The following GPC6 variants were observed in gnomAD, a reference collection of about 807,000 sequenced individuals.
The protein encoded by GPC6 is glypican 6, also known as glypican-6.
Under a neutral mutation model 55.2 loss-of-function variants are expected in GPC6, and 14 were observed. The ratio of observed to expected loss-of-function variants is 0.25; its 90% confidence interval spans 0.17 to 0.40. The LOEUF (loss-of-function observed/expected upper bound fraction) is 0.40. Ranked by LOEUF, GPC6 falls within the 10% of genes least tolerant of loss-of-function variation. The pLI, the probability that GPC6 is intolerant of heterozygous loss-of-function variation, is 1.00. For missense variants in GPC6, 641 were observed against 708.5 expected (o/e 0.90, Z 1.08); for synonymous variants, 278 against 259.6 (o/e 1.07, Z -0.68).
intron 1 of GPC6, among the ~76,000 whole-genome samples, chr13:93,269,359 C>T (rs1470769979): frequency 6.6e-6 from 1 of 152,146 alleles, no homozygotes; most frequent in Admixed American, 6.5e-5. Context: ...ATCCACCTGA[C>T]ATTTATCTCT....
intron 2 of GPC6, among the ~76,000 whole-genome samples, chr13:93,574,881 A>G (rs1246045498): frequency 6.6e-6 from 1 of 152,234 alleles, no homozygotes; most frequent in African/African-American, 2.4e-5. Context: ...GTTCATCCAT[A>G]TCAGACTTTT....
rs376342395 is a variant in GPC6, at chr13:93,878,457, A to G, written c.711+47912A>G. On this transcript the variant is annotated intron_variant, in intron 3 of 8. Transcript: ENST00000377047. Reference sequence around the variant, plus strand: ...AGTGGCACCATCTTGGCTCACTACAACAACCACCATCTCCTGGGTCAAGTG... The same window carrying G: ...AGTGGCACCATCTTGGCTCACTACAGCAACCACCATCTCCTGGGTCAAGTG... 2.0e-5 allele frequency among the ~76,000 whole-genome samples: 3 copies of G among 148,570 alleles called. No individual in the cohort carries two copies. In the East Asian group the frequency reaches 6.0e-4, roughly 30 times the overall value.
chr13:93,932,842 C>T (rs1410660947), intron 3 of GPC6, among the ~76,000 whole-genome samples: 2 of 152,008 alleles, frequency 1.3e-5, no homozygotes, highest in Admixed American at 6.6e-5. Flanking sequence ...TAACAAATGA[C>T]CATAAACTTA....
chr13:93,614,176 A>G (rs1043107529), intron 2 of GPC6, among the ~76,000 whole-genome samples: 1 of 152,186 alleles, frequency 6.6e-6, no homozygotes, highest in Non-Finnish European at 1.5e-5. Context: ...TGTTAACATA[A>G]ATGTTATTTT....
chr13:93,986,990 G>A (rs1431545246), intron 3 of GPC6, among the ~76,000 whole-genome samples: 1 of 152,086 alleles, frequency 6.6e-6, no homozygotes, highest in East Asian at 1.9e-4. Flanking sequence ...CCAGTTCCAT[G>A]TTGGAGAAAC....
At chr13:93,691,235 A>G (rs1440147973) in intron 2 of GPC6, among the ~76,000 whole-genome samples, 2 of 152,128 alleles carry the variant, frequency 1.3e-5, no homozygotes, top group Non-Finnish European at 2.9e-5. Context: ...TCTCTACCCC[A>G]AAGTCAGCAG....
intron 3 of GPC6, among the ~76,000 whole-genome samples, chr13:93,833,476 G>C (rs1249921377): frequency 6.6e-6 from 1 of 152,092 alleles, no homozygotes; most frequent in African/African-American, 2.4e-5. Flanking sequence ...ATTTAGAGTT[G>C]GAGAAATGAT....
intron 3 of GPC6, among the ~76,000 whole-genome samples, chr13:93,912,849 AATCT>A (rs1305275340): frequency 6.6e-6 from 1 of 152,168 alleles, no homozygotes; most frequent in Non-Finnish European, 1.5e-5. Context: ...ACTGAAAGAG[AATCT>A]AAGTCCCTAC....
rs574670287 is a variant in GPC6 at position 93,794,015 on chromosome 13, C to T, written c.320-36139C>T. On this transcript the variant is annotated intron_variant, in intron 2 of 8. Transcript: ENST00000377047. ...TGCCCGTGTTTGTGCTTTGCTTTGA[C>T]ATAGGGATTATAATTTCAGTACTGC... is the stretch of plus-strand genomic sequence containing the variant. Among the ~76,000 whole-genome samples the T allele has an allele frequency of 3.3e-5, 5 of 152,252 alleles. No homozygotes were observed. In the South Asian group the frequency reaches 8.3e-4, roughly 25 times the overall value.
At chr13:94,154,000 T>G (rs1887837306) in intron 4 of GPC6, among the ~76,000 whole-genome samples, 1 of 152,188 alleles carries the variant, frequency 6.6e-6, no homozygotes, top group South Asian at 2.1e-4. Flanking sequence ...ATTATTATTC[T>G]AATGTATAAT....
At chr13:94,001,353 A>T (rs942188721) in intron 3 of GPC6, among the ~76,000 whole-genome samples, 5 of 152,182 alleles carry the variant, frequency 3.3e-5, no homozygotes, top group Admixed American at 2.6e-4. Context: ...AAAACAAGAA[A>T]ATTACATTTT....
intron 2 of GPC6, among the ~76,000 whole-genome samples, chr13:93,822,876 T>A (rs572377159): frequency 6.7e-5 from 10 of 150,012 alleles, no homozygotes; most frequent in African/African-American, 2.2e-4. Flanking sequence ...TATTATTATT[T>A]TCTTTGAGAT....
intron 1 of GPC6, among the ~76,000 whole-genome samples, chr13:93,495,366 C>T (rs1243792029): frequency 4.2e-5 from 6 of 143,250 alleles, no homozygotes; most frequent in Non-Finnish European, 7.6e-5. Flanking sequence ...CCTTGGTTTT[C>T]AGCTCCATCA....
intron 1 of GPC6, among the ~76,000 whole-genome samples, chr13:93,256,334 G>A (rs1876952240): frequency 1.3e-5 from 2 of 151,588 alleles, no homozygotes; most frequent in South Asian, 2.1e-4. Flanking sequence ...AAGAGAGATC[G>A]TCATTTTTTT....
At chr13:93,667,129 A>T (rs1311597282) in intron 2 of GPC6, among the ~76,000 whole-genome samples, 1 of 152,218 alleles carries the variant, frequency 6.6e-6, no homozygotes, top group Admixed American at 6.5e-5. Context: ...TTTGGTCAAA[A>T]TACAGATCTA....
chr13:93,240,803 T>C (rs780040343), intron 1 of GPC6, among the ~76,000 whole-genome samples: 19 of 152,148 alleles, frequency 1.2e-4, no homozygotes, highest in Admixed American at 2.0e-4. Context: ...TGTTTAGAAT[T>C]CCTTTGAGCA....
chr13:94,141,246 G>A (rs1267748486), intron 4 of GPC6, among the ~76,000 whole-genome samples: 1 of 152,094 alleles, frequency 6.6e-6, no homozygotes, highest in Non-Finnish European at 1.5e-5. Context: ...GCTTATAGGT[G>A]GATTCAGAGA....
At chr13:93,512,838 A>G (rs564414254) in intron 1 of GPC6, among the ~76,000 whole-genome samples, 2 of 152,282 alleles carry the variant, frequency 1.3e-5, no homozygotes, top group East Asian at 1.9e-4. Context: ...ATAATATGCT[A>G]AAAGGATTTT....
At chr13:94,289,960 A>C (rs905910342) in intron 5 of GPC6, among the ~76,000 whole-genome samples, 1 of 152,212 alleles carries the variant, frequency 6.6e-6, no homozygotes, top group African/African-American at 2.4e-5. Flanking sequence ...TTGTCTGAGA[A>C]ATCAAAACTA....
Sources: gnomAD v4.1 joint callset for allele counts (sites outside exome capture counted in the v4.1 genomes callset) on GRCh38, gnomAD v4.1.1 for gene constraint, MANE v1.5 for transcripts, NCBI Gene and HGNC (gene_info 2026-07-23, HGNC 2026-07-21) for gene names.